Variants in LGSN observed in about 807,000 individuals in gnomAD.
The protein encoded by LGSN is lengsin.
LGSN carries 21 observed loss-of-function variants against 19.5 expected under a neutral mutation model. The ratio of observed to expected loss-of-function variants is 1.07; its 90% confidence interval spans 0.76 to 1.55. The LOEUF (loss-of-function observed/expected upper bound fraction) is 1.55, where lower values mean the gene tolerates loss of function less well. Among genes scored for constraint, LGSN ranks in the 40% most tolerant of loss-of-function variants. LGSN has a pLI of 0.00. For synonymous variants in LGSN, 257 were observed against 215.6 expected, an observed-to-expected ratio of 1.19 and a Z score of -1.68; for missense variants, 673 against 608.5, an observed-to-expected ratio of 1.11 and a Z score of -1.12.
At chr6:63,471,729 G>A in the LGSN span, among the ~76,000 whole-genome samples, 1 of 151,694 alleles carries the variant, frequency 6.6e-6, no homozygotes, top group Admixed American at 6.6e-5. Context: ...TTTACTACCT[G>A]CTATAGATTG....
chr6:63,536,526 C>T, the LGSN span, among the ~76,000 whole-genome samples: 4 of 152,094 alleles, frequency 2.6e-5, no homozygotes, highest in African/African-American at 4.8e-5. Context: ...AACATCTGAA[C>T]TCAGGAATTT....
At chr6:63,448,897 G>C in the LGSN span, among the ~76,000 whole-genome samples, 3 of 151,874 alleles carry the variant, frequency 2.0e-5, no homozygotes, top group Middle Eastern at 3.2e-3. Flanking sequence ...TAAAATAGAA[G>C]AGAAAAAATA....
chr6:63,280,678 T>C lies in LGSN; in HGVS notation c.873A>G (p.Glu291=), dbSNP rs1226395517. The C allele has an allele frequency of 6.2e-7, 1 of 1,614,158 alleles. No individual in the cohort carries two copies. The highest frequency in any genetic ancestry group is 1.1e-5 in the South Asian group (1 of 91,084). Residue 291 remains glutamate (E), a synonymous_variant, in exon 4 of 4, where the codon GAA becomes GAG. Coordinates refer to ENST00000370657, the MANE Select transcript of LGSN (RefSeq NM_016571.3). The stretch of plus-strand genomic sequence containing the variant: ...CAATGTAATTATATTTCCTTGCCAC[T>C]TCTTTGACACCTGTTCTGAGGGTAA... ...NAFTLRTGVK[E]VARKYNYIAS...
intron 1 of LGSN, among the ~76,000 whole-genome samples, chr6:63,301,467 T>C (rs748451277): frequency 6.6e-6 from 1 of 151,910 alleles, no homozygotes; most frequent in South Asian, 2.1e-4. Flanking sequence ...TAAAATTAAA[T>C]GGATATTCAA....
chr6:63,561,878 A>G, the LGSN span, among the ~76,000 whole-genome samples: 1 of 152,228 alleles, frequency 6.6e-6, no homozygotes, highest in African/African-American at 2.4e-5. Context: ...CTGTCAGGTT[A>G]GGATAACCTG....
chr6:63,313,894 G>GCATA lies in LGSN; in HGVS notation c.30+6016_30+6019dup, dbSNP rs61233608. Among the ~76,000 whole-genome samples the GCATA allele has an allele frequency of 2.9e-3, 441 of 149,914 alleles. 4 individuals carry two copies. The highest frequency in any genetic ancestry group is 0.01 in the African/African-American group (419 of 40,442). On this transcript the variant is annotated intron_variant, in intron 1 of 3. Coordinates refer to ENST00000370657, the MANE Select transcript of LGSN (RefSeq NM_016571.3). ...TACATACATACATACATACATACAT[G>GCATA]CATACATACATATACACATATATAA...
chr6:63,458,908 A>G, the LGSN span, among the ~76,000 whole-genome samples: 1 of 152,194 alleles, frequency 6.6e-6, no homozygotes, highest in Non-Finnish European at 1.5e-5. Context: ...GGAAGAGACA[A>G]ATTAGGCTCA....
intron 1 of LGSN, among the ~76,000 whole-genome samples, chr6:63,296,056 G>A (rs1473997358): frequency 6.6e-6 from 1 of 152,198 alleles, no homozygotes; most frequent in African/African-American, 2.4e-5. Flanking sequence ...AACTGCTGGG[G>A]AGCAGCTGTA....
the LGSN span, among the ~76,000 whole-genome samples, chr6:63,497,539 C>G: frequency 6.6e-6 from 1 of 151,922 alleles, no homozygotes; most frequent in South Asian, 2.1e-4. Flanking sequence ...GGTGGCAGAG[C>G]GAGACTCCGT....
intron 1 of LGSN, among the ~76,000 whole-genome samples, chr6:63,312,119 T>A (rs1768653373): frequency 6.6e-6 from 1 of 152,238 alleles, no homozygotes; most frequent in Non-Finnish European, 1.5e-5. Flanking sequence ...AATTATTGCC[T>A]GTTTAAGGCT....
At chr6:63,393,388 A>G in the LGSN span, among the ~76,000 whole-genome samples, 1 of 151,362 alleles carries the variant, frequency 6.6e-6, no homozygotes, top group African/African-American at 2.4e-5. Flanking sequence ...CATGTTGGTC[A>G]GGCTGGTCTC....
chr6:63,293,808 T>C, intron 2 of LGSN: 1 of 456,216 alleles, frequency 2.2e-6, no homozygotes, highest in African/African-American at 2.0e-5. Context: ...CATGATAGGT[T>C]TGCTTGTGTT....
the LGSN span, among the ~76,000 whole-genome samples, chr6:63,553,407 G>A: frequency 6.6e-6 from 1 of 152,202 alleles, no homozygotes; most frequent in East Asian, 1.9e-4. Context: ...GTGTTCAGTA[G>A]TGAAAGCCAA....
chr6:63,479,081 C>A, the LGSN span, among the ~76,000 whole-genome samples: 1 of 152,198 alleles, frequency 6.6e-6, no homozygotes, highest in Non-Finnish European at 1.5e-5. Flanking sequence ...AGACAGGAGT[C>A]CATTTCTGAC....
chr6:63,331,802 AC>A, the LGSN span, among the ~76,000 whole-genome samples: 2 of 152,188 alleles, frequency 1.3e-5, no homozygotes, highest in East Asian at 3.9e-4. Context: ...GAAAACCTGC[AC>A]CCTTGCCTGT....
chr6:63,560,713 A>T, the LGSN span, among the ~76,000 whole-genome samples: 1 of 152,148 alleles, frequency 6.6e-6, no homozygotes, highest in African/African-American at 2.4e-5. Context: ...CACAAAGCCT[A>T]ATTTTTGAAA....
the LGSN span, among the ~76,000 whole-genome samples, chr6:63,552,930 A>G: frequency 3.9e-5 from 6 of 152,154 alleles, no homozygotes; most frequent in Non-Finnish European, 8.8e-5. Flanking sequence ...GTAGCCTTGT[A>G]GTATAGTTTG....
At chr6:63,298,509 T>C (rs1308538734) in intron 1 of LGSN, among the ~76,000 whole-genome samples, 6 of 152,196 alleles carry the variant, frequency 3.9e-5, no homozygotes, top group African/African-American at 1.4e-4. Flanking sequence ...CTATCCCTTT[T>C]GTTTCTTTTT....
At chr6:63,328,247 T>C in the LGSN span, among the ~76,000 whole-genome samples, 2 of 152,094 alleles carry the variant, frequency 1.3e-5, no homozygotes, top group Non-Finnish European at 2.9e-5. Context: ...TAGGTTAAGG[T>C]CAGGATTAGT....
Sources: gnomAD v4.1 joint callset for allele counts (sites outside exome capture counted in the v4.1 genomes callset) on GRCh38, gnomAD v4.1.1 for gene constraint, MANE v1.5 for transcripts, NCBI Gene and HGNC (gene_info 2026-07-23, HGNC 2026-07-21) for gene names.